The following LRP1B variants were observed in gnomAD, a reference collection of about 807,000 sequenced individuals.
The protein encoded by LRP1B is low-density lipoprotein receptor-related protein 1B.
LRP1B carries 217 observed loss-of-function variants against 556.6 expected under a neutral mutation model. That is an observed-to-expected ratio of 0.39 (90% CI 0.35 to 0.44). The LOEUF is 0.44. Ranked by LOEUF, LRP1B falls within the 20% of genes least tolerant of loss-of-function variation. The pLI, the probability that LRP1B is intolerant of heterozygous loss-of-function variation, is 1.00. For missense variants in LRP1B, 5,053 were observed against 5,620.8 expected (o/e 0.90, Z 3.23); for synonymous variants, 2,047 against 1,865.8 (o/e 1.10, Z -2.50).
chr2:141,811,650 G>GAC (rs1306200299), intron 1 of LRP1B, among the ~76,000 whole-genome samples: 1 of 151,954 alleles, frequency 6.6e-6, no homozygotes, highest in Non-Finnish European at 1.5e-5. Context: ...GCTATTTCGT[G>GAC]ACAACTCATT....
intron 2 of LRP1B, among the ~76,000 whole-genome samples, chr2:141,552,787 A>T (rs567904679): frequency 6.6e-6 from 1 of 152,148 alleles, no homozygotes; most frequent in East Asian, 1.9e-4. Context: ...AATAAAAAAA[A>T]TTCTACTGGG....
intron 83 of LRP1B, among the ~76,000 whole-genome samples, chr2:140,300,854 G>A (rs1386619725): frequency 2.6e-5 from 4 of 152,060 alleles, no homozygotes; most frequent in Admixed American, 2.0e-4. Context: ...CAGTCACATA[G>A]AAAGCACAGA....
chr2:140,889,618 C>T (rs986778677), intron 23 of LRP1B, among the ~76,000 whole-genome samples: 3 of 152,018 alleles, frequency 2.0e-5, no homozygotes, highest in Non-Finnish European at 2.9e-5. Context: ...TTTATAAATC[C>T]CAATTTACAC....
chr2:142,012,440 T>C (rs930269364), intron 1 of LRP1B, among the ~76,000 whole-genome samples: 3 of 152,258 alleles, frequency 2.0e-5, no homozygotes, highest in Non-Finnish European at 2.9e-5. Flanking sequence ...GTGTTTTCTT[T>C]AGGTTTTTAC....
At chr2:141,162,367 G>A (rs975853520) in intron 7 of LRP1B, among the ~76,000 whole-genome samples, 14 of 152,022 alleles carry the variant, frequency 9.2e-5, no homozygotes, top group Admixed American at 4.6e-4. Context: ...GACGAAAGGA[G>A]TATTCACGAT....
Position 142,061,791 on chromosome 2 carries a change from C to T in LRP1B, c.82+68857G>A, listed in dbSNP as rs186863169. ...ACATAAAAACTTACAAAACTCATTT[C>T]ATTTCGTCTGATATTTTCACCTCTT... On this transcript the variant is annotated intron_variant, in intron 1 of 90. Transcript: ENST00000389484. Among the ~76,000 whole-genome samples the T allele has an allele frequency of 3.2e-4, 48 of 152,024 alleles. 3 individuals carry two copies. The South Asian group carries it at 9.9e-3, about 32-fold the overall frequency.
At chr2:141,477,298 GAA>G (rs370141220) in intron 3 of LRP1B, among the ~76,000 whole-genome samples, 2 of 142,190 alleles carry the variant, frequency 1.4e-5, no homozygotes, top group African/African-American at 2.6e-5. Flanking sequence ...AATTGTTCTG[GAA>G]AAAAAAAAAA....
chr2:141,860,325 G>A (rs2105786334), intron 1 of LRP1B, among the ~76,000 whole-genome samples: 1 of 152,076 alleles, frequency 6.6e-6, no homozygotes, highest in East Asian at 1.9e-4. Context: ...TTTTATATTT[G>A]GTTCATGCCA....
chr2:140,495,525 A>G (rs1477873483), intron 56 of LRP1B, 40 bp downstream of exon 56: 8 of 1,538,836 alleles, frequency 5.2e-6, no homozygotes, highest in African/African-American at 1.4e-5. Flanking sequence ...ATCCATATGT[A>G]TAACTGAGGT....
intron 6 of LRP1B, among the ~76,000 whole-genome samples, chr2:141,198,402 C>T (rs1319237842): frequency 1.3e-5 from 2 of 152,120 alleles, no homozygotes; most frequent in Non-Finnish European, 2.9e-5. Flanking sequence ...CCCATCTATG[C>T]TCCGATCCTG....
intron 3 of LRP1B, among the ~76,000 whole-genome samples, chr2:141,292,938 A>G (rs1686033899): frequency 2.0e-5 from 3 of 152,194 alleles, no homozygotes; most frequent in African/African-American, 4.8e-5. Flanking sequence ...TTTATCATAA[A>G]AATTGTACCA....
chr2:140,826,118 A>G (rs1362614746), intron 31 of LRP1B, among the ~76,000 whole-genome samples: 1 of 152,196 alleles, frequency 6.6e-6, no homozygotes, highest in Non-Finnish European at 1.5e-5. Context: ...AGTGTCAAGC[A>G]TGTCTTTAGT....
At chr2:140,821,519 T>G (rs1691328254) in intron 31 of LRP1B, among the ~76,000 whole-genome samples, 1 of 152,176 alleles carries the variant, frequency 6.6e-6, no homozygotes, top group African/African-American at 2.4e-5. Context: ...CAAGGAAACA[T>G]ATCCAAGACT....
chr2:141,855,192 C>T (rs1385348276), intron 1 of LRP1B, among the ~76,000 whole-genome samples: 2 of 151,988 alleles, frequency 1.3e-5, no homozygotes, highest in East Asian at 1.9e-4. Context: ...AAAGACCACT[C>T]GAGCATGACC....
chr2:141,256,363 T>C (rs1684465747), intron 3 of LRP1B, among the ~76,000 whole-genome samples: 1 of 151,646 alleles, frequency 6.6e-6, no homozygotes, highest in Admixed American at 6.6e-5. Context: ...CTATAATGCT[T>C]GATGTAGTTA....
intron 21 of LRP1B, among the ~76,000 whole-genome samples, chr2:140,920,061 A>G (rs570957630): frequency 6.6e-6 from 1 of 152,150 alleles, no homozygotes; most frequent in East Asian, 1.9e-4. Flanking sequence ...CATTCCTACA[A>G]GTAGCTGGAG....
chr2:141,375,745 G>A (rs1689404776), intron 3 of LRP1B, among the ~76,000 whole-genome samples: 1 of 152,154 alleles, frequency 6.6e-6, no homozygotes, highest in Admixed American at 6.5e-5. Context: ...GCCCCTTCCA[G>A]GCAAACAGCA....
At chr2:141,746,702 A>C (rs1693926890) in intron 2 of LRP1B, among the ~76,000 whole-genome samples, 1 of 152,142 alleles carries the variant, frequency 6.6e-6, no homozygotes, top group African/African-American at 2.4e-5. Flanking sequence ...GTTCCTGTCC[A>C]GGGGCATGGG....
chr2:140,608,562 A>G (rs1178670807), intron 41 of LRP1B, among the ~76,000 whole-genome samples: 1 of 152,214 alleles, frequency 6.6e-6, no homozygotes, highest in African/African-American at 2.4e-5. Flanking sequence ...TGATTTTCCC[A>G]AATCAAACAT....
Sources: allele counts gnomAD v4.1 joint callset (sites outside exome capture counted in the v4.1 genomes callset), GRCh38; gene constraint gnomAD v4.1.1; transcripts MANE v1.5; gene names NCBI Gene and HGNC (gene_info 2026-07-23, HGNC 2026-07-21).